CBLN2: variants seen among roughly 807,000 people sequenced by gnomAD.
CBLN2 encodes the protein cerebellin 2 precursor.
In CBLN2, 7 loss-of-function variants were observed where a neutral mutation model predicts 15.0. The ratio of observed to expected loss-of-function variants is 0.47; its 90% confidence interval spans 0.27 to 0.88. CBLN2 has a LOEUF of 0.88. Ranked by LOEUF, CBLN2 falls within the 40% of genes least tolerant of loss-of-function variation. The pLI is 0.14. For synonymous variants in CBLN2, 149 were observed against 135.2 expected (o/e 1.10, Z -0.71); for missense variants, 242 against 304.5 (o/e 0.79, Z 1.53).
chr18:72,556,278 TTAGGGAGA>T (rs2069226402), intron 1 of CBLN2, among the ~76,000 whole-genome samples: 1 of 152,106 alleles, frequency 6.6e-6, no homozygotes, highest in Non-Finnish European at 1.5e-5. Flanking sequence ...AAGAAAACAC[TTAGGGAGA>T]TAGGATAACT....
At chr18:72,634,465 C>A (rs1241464688) in intron 1 of CBLN2, among the ~76,000 whole-genome samples, 1 of 151,648 alleles carries the variant, frequency 6.6e-6, no homozygotes, top group Non-Finnish European at 1.5e-5. Context: ...TGGATAAGAC[C>A]CTAATAATTA....
At chr18:72,630,681 T>G (rs1257977639) in intron 1 of CBLN2, among the ~76,000 whole-genome samples, 1 of 152,028 alleles carries the variant, frequency 6.6e-6, no homozygotes, top group Non-Finnish European at 1.5e-5. Context: ...GATTATAACA[T>G]GAAACCTCTT....
intron 1 of CBLN2, among the ~76,000 whole-genome samples, chr18:72,564,890 T>A (rs1288656619): frequency 6.6e-6 from 1 of 152,134 alleles, no homozygotes; most frequent in South Asian, 2.1e-4. Flanking sequence ...GAGAGAGAAC[T>A]CTAAAAGCAG....
intron 1 of CBLN2, among the ~76,000 whole-genome samples, chr18:72,580,048 G>C (rs1012587672): frequency 6.6e-6 from 1 of 151,636 alleles, no homozygotes; most frequent in Admixed American, 6.6e-5. Flanking sequence ...TTTTTCAAAA[G>C]AAGATATGAT....
At chr18:72,592,101 AT>A (rs1240080716) in intron 1 of CBLN2, among the ~76,000 whole-genome samples, 1 of 152,058 alleles carries the variant, frequency 6.6e-6, no homozygotes, top group Non-Finnish European at 1.5e-5. Flanking sequence ...ACATGTACTA[AT>A]TTATATTCTG....
At chr18:72,542,445 C>G (rs2069123468) in intron 2 of CBLN2, 119 bp from the exon 3 acceptor site, 1 of 195,876 alleles carries the variant, frequency 5.1e-6, no homozygotes, top group Non-Finnish European at 1.0e-5. Flanking sequence ...CCCTTGGTCC[C>G]GCGCACAGCC....
intron 2 of CBLN2, among the ~76,000 whole-genome samples, chr18:72,542,677 A>G (rs2069126074): frequency 6.6e-6 from 1 of 152,048 alleles, no homozygotes; most frequent in Admixed American, 6.5e-5. Flanking sequence ...AGGCAAAGAA[A>G]AACCTACGAA....
upstream of CBLN2, among the ~76,000 whole-genome samples, chr18:72,548,701 A>G (rs1338323326): frequency 6.6e-6 from 1 of 152,216 alleles, no homozygotes; most frequent in African/African-American, 2.4e-5. Context: ...CAGCCTGGTC[A>G]TTTGAGCAAA....
At chr18:72,546,651 A>G (rs1281408248), upstream of CBLN2, among the ~76,000 whole-genome samples, 1 of 152,192 alleles carries the variant, frequency 6.6e-6, no homozygotes. Flanking sequence ...AATAACAATG[A>G]CAGCCATTTA....
chr18:72,611,411 C>CT (rs1020154078), intron 1 of CBLN2, among the ~76,000 whole-genome samples: 11 of 151,978 alleles, frequency 7.2e-5, no homozygotes, highest in South Asian at 4.2e-4. Flanking sequence ...ATGTACTTTT[C>CT]TTTTTTTGAC....
intron 1 of CBLN2, among the ~76,000 whole-genome samples, chr18:72,575,379 T>C (rs1302092764): frequency 6.6e-6 from 1 of 151,992 alleles, no homozygotes; most frequent in Non-Finnish European, 1.5e-5. Context: ...AGAGTGGCAA[T>C]GAGTCAGGAG....
At position 72,602,500 on chromosome 18, in the gene CBLN2, C is replaced by T. The variant is rs549109263; in HGVS notation, c.15+35825G>A. 2.0e-5 allele frequency among the ~76,000 whole-genome samples: 3 copies of T among 152,256 alleles called. No homozygotes were observed. In the South Asian group the frequency reaches 6.2e-4, roughly 32 times the overall value. ...TTTTTAACCCCTCATCCCCAACTCA[C>T]CCCTGCATGAAAACACGCTGTGATA... On this transcript the variant is annotated intron_variant, in intron 1 of 2. Transcript: ENST00000581073.
At chr18:72,632,400 G>A (rs532176080) in intron 1 of CBLN2, among the ~76,000 whole-genome samples, 1 of 152,246 alleles carries the variant, frequency 6.6e-6, no homozygotes, top group Admixed American at 6.5e-5. Context: ...AATCAAGCAA[G>A]CTTTCATTCC....
intron 1 of CBLN2, among the ~76,000 whole-genome samples, chr18:72,600,414 C>T (rs1449986067): frequency 6.6e-6 from 1 of 152,062 alleles, no homozygotes; most frequent in African/African-American, 2.4e-5. Context: ...CTCTGCAAGG[C>T]ACAGGAATAA....
At chr18:72,635,157 A>G (rs944687606) in intron 1 of CBLN2, among the ~76,000 whole-genome samples, 6 of 152,002 alleles carry the variant, frequency 3.9e-5, no homozygotes, top group African/African-American at 1.4e-4. Flanking sequence ...TGAGTACCGG[A>G]CTCAAGTAGC....
At chr18:72,603,635 C>T (rs1045958378) in intron 1 of CBLN2, among the ~76,000 whole-genome samples, 3 of 152,088 alleles carry the variant, frequency 2.0e-5, no homozygotes, top group Non-Finnish European at 2.9e-5. Context: ...TCCTCAAGCC[C>T]GCCTGCAACT....
At chr18:72,631,630 T>G (rs1325007907) in intron 1 of CBLN2, among the ~76,000 whole-genome samples, 1 of 152,122 alleles carries the variant, frequency 6.6e-6, no homozygotes, top group Non-Finnish European at 1.5e-5. Context: ...TCAACTGACT[T>G]GGGCAAATCT....
chr18:72,610,620 G>A (rs966360457), intron 1 of CBLN2, among the ~76,000 whole-genome samples: 2 of 152,088 alleles, frequency 1.3e-5, no homozygotes, highest in African/African-American at 4.8e-5. Context: ...GCTTCAGAAT[G>A]TTACTCCTCT....
At chr18:72,552,601 C>T (rs1037945081) in intron 1 of CBLN2, 4 of 152,070 alleles carry the variant, frequency 2.6e-5, no homozygotes, top group Non-Finnish European at 5.9e-5. Flanking sequence ...GTGACATCCA[C>T]GTTCTCCTTT....
Sources: allele counts gnomAD v4.1 joint callset (sites outside exome capture counted in the v4.1 genomes callset), GRCh38; gene constraint gnomAD v4.1.1; transcripts MANE v1.5; gene names NCBI Gene and HGNC (gene_info 2026-07-23, HGNC 2026-07-21).